The following PARD3B variants were observed in gnomAD, a reference collection of about 807,000 sequenced individuals.
PARD3B encodes the protein partitioning defective 3 homolog B.
In PARD3B, 103 loss-of-function variants were observed where a neutral mutation model predicts 130.2. The ratio of observed to expected loss-of-function variants is 0.79; its 90% CI spans 0.67 to 0.93. PARD3B has a LOEUF of 0.93. Among genes scored for constraint, PARD3B ranks in the 40% least tolerant of loss-of-function variants. The pLI, the probability that PARD3B is intolerant of heterozygous loss-of-function variation, is 0.00. For synonymous variants in PARD3B, 583 were observed against 553.2 expected (o/e 1.05, Z -0.76); for missense variants, 1,609 against 1,499.2 (o/e 1.07, Z -1.21).
At chr2:205,459,001 G>T (rs1363443019) in intron 20 of PARD3B, among the ~76,000 whole-genome samples, 5 of 152,146 alleles carry the variant, frequency 3.3e-5, no homozygotes, top group Non-Finnish European at 5.9e-5. Context: ...AGTCTGTGTT[G>T]TTTACGAGTC....
intron 2 of PARD3B, among the ~76,000 whole-genome samples, chr2:204,843,404 CTCCTT>C (rs2044327757): frequency 6.6e-6 from 1 of 151,948 alleles, no homozygotes. Context: ...CTCCTCTCCT[CTCCTT>C]TTTCTTTTTT....
intron 1 of PARD3B, among the ~76,000 whole-genome samples, chr2:204,553,695 T>TAC (rs57144543): frequency 0.016 from 1,409 of 90,312 alleles, 19 homozygotes; most frequent in African/African-American, 0.036. Context: ...TATATATATA[T>TAC]ACACACATAT....
intron 1 of PARD3B, among the ~76,000 whole-genome samples, chr2:204,604,780 C>G (rs1268986510): frequency 6.6e-6 from 1 of 152,152 alleles, no homozygotes; most frequent in East Asian, 1.9e-4. Flanking sequence ...GCATAGCAAA[C>G]TATCTTAAAA....
intron 2 of PARD3B, among the ~76,000 whole-genome samples, chr2:204,838,433 T>C (rs1011590289): frequency 6.6e-6 from 1 of 151,832 alleles, no homozygotes; most frequent in African/African-American, 2.4e-5. Flanking sequence ...CAGGCTGGTC[T>C]CAAACTCCTG....
intron 2 of PARD3B, among the ~76,000 whole-genome samples, chr2:204,778,893 A>G (rs547359332): frequency 1.1e-4 from 17 of 152,198 alleles, no homozygotes; most frequent in African/African-American, 4.1e-4. Context: ...GTATTCTGTC[A>G]TGAGTTCTTA....
At chr2:204,905,863 G>A (rs2047025700) in intron 2 of PARD3B, among the ~76,000 whole-genome samples, 1 of 152,174 alleles carries the variant, frequency 6.6e-6, no homozygotes, top group Middle Eastern at 3.2e-3. Flanking sequence ...AAACCAGTTA[G>A]AAACCAGTGG....
intron 7 of PARD3B, among the ~76,000 whole-genome samples, chr2:205,120,574 A>AAATTG (rs2030570735): frequency 6.6e-6 from 1 of 152,208 alleles, no homozygotes; most frequent in Non-Finnish European, 1.5e-5. Flanking sequence ...TTTCCTAGCA[A>AAATTG]CAAGCAAACG....
At chr2:205,535,097 C>T (rs1251637268) in intron 21 of PARD3B, among the ~76,000 whole-genome samples, 3 of 152,072 alleles carry the variant, frequency 2.0e-5, no homozygotes, top group African/African-American at 7.2e-5. Context: ...GACATATTGC[C>T]CCCATAATCA....
chr2:204,654,470 G>C lies in PARD3B; in HGVS notation c.121-31711G>C, dbSNP rs930400991. Among the ~76,000 whole-genome samples, 9 of 145,176 alleles carry C rather than the reference G, an allele frequency of 6.2e-5. 1 individual carries two copies. The highest frequency in any genetic ancestry group is 2.6e-4 in the African/African-American group (9 of 34,970). ...CCTGGTAATGAAGAACTCTGCTGGG[G>C]AAGTAAATGGAATGTGGTGATGTTG... On this transcript the variant is annotated intron_variant, in intron 1 of 22. Transcript: ENST00000406610.
chr2:204,859,022 C>T (rs911009358), intron 2 of PARD3B, among the ~76,000 whole-genome samples: 1 of 151,618 alleles, frequency 6.6e-6, no homozygotes, highest in Non-Finnish European at 1.5e-5. Flanking sequence ...CTTTATTATT[C>T]TCAAATTTCA....
intron 16 of PARD3B, among the ~76,000 whole-genome samples, chr2:205,279,140 T>C (rs953364350): frequency 5.5e-5 from 8 of 146,752 alleles, no homozygotes; most frequent in South Asian, 2.2e-4. Context: ...TACTAAATTT[T>C]CCCCCCAAAT....
chr2:205,376,716 G>C (rs2045069819), intron 18 of PARD3B, among the ~76,000 whole-genome samples: 1 of 152,130 alleles, frequency 6.6e-6, no homozygotes, highest in Non-Finnish European at 1.5e-5. Flanking sequence ...CGAAAGCTGT[G>C]GAGGAATAAG....
At chr2:205,203,474 A>G (rs979983662) in intron 15 of PARD3B, among the ~76,000 whole-genome samples, 4 of 147,898 alleles carry the variant, frequency 2.7e-5, no homozygotes, top group Non-Finnish European at 6.0e-5. Flanking sequence ...TTTTTTTACT[A>G]TACTATACTG....
In PARD3B at chr2:205,584,385, T is replaced by C. The variant is rs1242134748; in HGVS notation, c.3260+30982T>C. Among the ~76,000 whole-genome samples, 2 of 152,130 alleles carry C rather than the reference T, an allele frequency of 1.3e-5. No individual in the cohort carries two copies. Among genetic ancestry groups the C allele is most frequent in the African/African-American group, 4.8e-5 (2 of 41,422 alleles). On this transcript the variant is annotated intron_variant, in intron 22 of 22. Coordinates refer to ENST00000406610, the MANE Select transcript of PARD3B (RefSeq NM_001302769.2). This position sits in a 1 kb window ranked among gnomAD's most constrained non-coding sequence, Gnocchi z 5.5. ...ATGTGGATACAAGAAAGTTTTAAAT[T>C]ATGTATGCGAGGCCGGACACGATAG...
Position 205,446,630 on chromosome 2 carries a change from T to C in PARD3B, c.3044+5958T>C, listed in dbSNP as rs933485531. ...AGGTTGGCCCTGAACCTTCAGTCCA[T>C]CTTAGAAAAAAAAAATTGCCTTATA... On this transcript the variant is annotated intron_variant, in intron 20 of 22. Coordinates refer to ENST00000406610, the MANE Select transcript of PARD3B (RefSeq NM_001302769.2). The surrounding 1 kb of genome is among the most constrained non-coding windows in gnomAD (Gnocchi z 4.4). 1.5e-5 allele frequency among the ~76,000 whole-genome samples: 2 copies of C among 136,538 alleles called. No homozygotes were observed. Among genetic ancestry groups the C allele is most frequent in the Non-Finnish European group, 3.0e-5 (2 of 66,916 alleles). The allele number at this position is 136,538 out of a possible 152,430, so 89.6% of individuals were successfully genotyped here.
chr2:205,063,929 TA>T (rs66999700), intron 4 of PARD3B, among the ~76,000 whole-genome samples: 4 of 150,754 alleles, frequency 2.7e-5, no homozygotes, highest in South Asian at 2.1e-4. Flanking sequence ...TGCTTGGAAA[TA>T]AAAAAAAACG....
intron 15 of PARD3B, among the ~76,000 whole-genome samples, chr2:205,212,757 C>G (rs979346761): frequency 6.6e-6 from 1 of 152,110 alleles, no homozygotes; most frequent in African/African-American, 2.4e-5. Flanking sequence ...AAGATAACCT[C>G]TGATGTTACT....
At chr2:204,737,764 T>C (rs559224917) in intron 2 of PARD3B, among the ~76,000 whole-genome samples, 23 of 152,304 alleles carry the variant, frequency 1.5e-4, no homozygotes, top group South Asian at 1.2e-3. Flanking sequence ...AAGTGAGATA[T>C]AGGTATCCAG....
chr2:204,564,779 C>T, intron 1 of PARD3B, among the ~76,000 whole-genome samples: 1 of 152,118 alleles, frequency 6.6e-6, no homozygotes, highest in East Asian at 1.9e-4. Context: ...GAAAATCCTG[C>T]CTCATACAGA....
Sources: allele counts gnomAD v4.1 joint callset (sites outside exome capture counted in the v4.1 genomes callset), GRCh38; gene constraint gnomAD v4.1.1; non-coding constraint Gnocchi (gnomAD v3.1); transcripts MANE v1.5; gene names NCBI Gene and HGNC (gene_info 2026-07-23, HGNC 2026-07-21).